Variants in BTBD9 observed in about 807,000 individuals in gnomAD.
The protein encoded by BTBD9 is BTB/POZ domain-containing protein 9.
In BTBD9, 49 loss-of-function variants were observed where a neutral mutation model predicts 64.3. That is an observed-to-expected ratio of 0.76 (90% CI 0.61 to 0.97). The LOEUF (loss-of-function observed/expected upper bound fraction) is 0.97. Among genes scored for constraint, BTBD9 ranks in the 50% least tolerant of loss-of-function variants. The pLI is 0.00. For missense variants in BTBD9, 598 were observed against 762.1 expected (o/e 0.78, Z 2.53); for synonymous variants, 260 against 274.7 (o/e 0.95, Z 0.53).
chr6:38,633,962 A>G (rs557165592), intron 1 of BTBD9, among the ~76,000 whole-genome samples: 2 of 152,320 alleles, frequency 1.3e-5, no homozygotes, highest in Admixed American at 6.5e-5. Context: ...CAATATGCAT[A>G]CATGTGTGCA....
intron 6 of BTBD9, among the ~76,000 whole-genome samples, chr6:38,547,013 T>C (rs1774582552): frequency 6.6e-6 from 1 of 152,176 alleles, no homozygotes. Flanking sequence ...ATTGTAATTG[T>C]ATCTGGGGCG....
intron 6 of BTBD9, among the ~76,000 whole-genome samples, chr6:38,349,126 G>T (rs1764401722): frequency 6.6e-6 from 1 of 152,100 alleles, no homozygotes; most frequent in Non-Finnish European, 1.5e-5. Context: ...GGGCTGAAAC[G>T]ATTCACCTGC....
At chr6:38,546,403 G>A (rs1774556433) in intron 6 of BTBD9, among the ~76,000 whole-genome samples, 1 of 152,082 alleles carries the variant, frequency 6.6e-6, no homozygotes, top group Non-Finnish European at 1.5e-5. Flanking sequence ...CCTGTGATTT[G>A]TACTAAAATG....
chr6:38,209,347 A>T (rs112628356), intron 9 of BTBD9, among the ~76,000 whole-genome samples: 68 of 152,342 alleles, frequency 4.5e-4, no homozygotes, highest in African/African-American at 1.3e-3. Context: ...ACCAGAACTG[A>T]CATAAAAATC....
intron 9 of BTBD9, among the ~76,000 whole-genome samples, chr6:38,247,401 C>T (rs556384562): frequency 1.3e-5 from 2 of 152,324 alleles, no homozygotes; most frequent in Admixed American, 1.3e-4. Flanking sequence ...AGCAAGGGGA[C>T]AGACAATGCT....
intron 8 of BTBD9, among the ~76,000 whole-genome samples, chr6:38,263,961 G>A (rs533467086): frequency 6.6e-6 from 1 of 152,318 alleles, no homozygotes; most frequent in South Asian, 2.1e-4. Context: ...CAATGATACC[G>A]TGATGGCTAC....
intron 7 of BTBD9, among the ~76,000 whole-genome samples, chr6:38,327,753 A>C (rs929986458): frequency 1.3e-5 from 2 of 152,206 alleles, no homozygotes; most frequent in African/African-American, 4.8e-5. Flanking sequence ...TCGTTGTCAC[A>C]GATTAGTTTG....
At chr6:38,600,213 G>A (rs1444965505) in intron 1 of BTBD9, among the ~76,000 whole-genome samples, 1 of 152,162 alleles carries the variant, frequency 6.6e-6, no homozygotes. Flanking sequence ...TACAATCTAC[G>A]TCAAATGATT....
intron 7 of BTBD9, among the ~76,000 whole-genome samples, chr6:38,290,342 C>T (rs1582173005): frequency 6.6e-6 from 1 of 150,974 alleles, no homozygotes; most frequent in Admixed American, 6.6e-5. Context: ...CAGAAGTGGA[C>T]TATATTTAGA....
At chr6:38,528,580 A>T (rs1773626219) in intron 6 of BTBD9, among the ~76,000 whole-genome samples, 1 of 152,226 alleles carries the variant, frequency 6.6e-6, no homozygotes, top group Non-Finnish European at 1.5e-5. Context: ...CATGGATAAC[A>T]GCTCAGTCAT....
chr6:38,384,598 T>A (rs1766074261), intron 6 of BTBD9, among the ~76,000 whole-genome samples: 1 of 152,216 alleles, frequency 6.6e-6, no homozygotes, highest in Non-Finnish European at 1.5e-5. Context: ...TAGTATTTCC[T>A]AAGAGTCACA....
intron 6 of BTBD9, among the ~76,000 whole-genome samples, chr6:38,576,749 T>A (rs1776054301): frequency 6.6e-6 from 1 of 152,140 alleles, no homozygotes; most frequent in Non-Finnish European, 1.5e-5. Flanking sequence ...CTACCTTTAA[T>A]CTTTTGACTT....
intron 6 of BTBD9, among the ~76,000 whole-genome samples, chr6:38,480,144 G>A (rs1363953735): frequency 1.3e-5 from 2 of 152,170 alleles, no homozygotes; most frequent in African/African-American, 2.4e-5. Flanking sequence ...GGAATTGAGG[G>A]GAGAGTGTAC....
chr6:38,455,896 C>CT (rs1323995439), intron 6 of BTBD9, among the ~76,000 whole-genome samples: 3 of 152,066 alleles, frequency 2.0e-5, no homozygotes, highest in Non-Finnish European at 2.9e-5. Flanking sequence ...AGGCTGGTCT[C>CT]TAACTCCTGA....
chr6:38,226,233 G>C (rs1156491947), intron 9 of BTBD9, among the ~76,000 whole-genome samples: 3 of 152,194 alleles, frequency 2.0e-5, no homozygotes, highest in Non-Finnish European at 4.4e-5. Flanking sequence ...CTCTTTTGTG[G>C]AGAACTGATA....
At chr6:38,303,021 T>C (rs1037116183) in intron 7 of BTBD9, among the ~76,000 whole-genome samples, 2 of 152,196 alleles carry the variant, frequency 1.3e-5, no homozygotes, top group Non-Finnish European at 2.9e-5. Flanking sequence ...GTTTACTTCC[T>C]TACATATTCT....
At chr6:38,634,983 T>C (rs562220758) in intron 1 of BTBD9, among the ~76,000 whole-genome samples, 67 of 152,296 alleles carry the variant, frequency 4.4e-4, no homozygotes, top group African/African-American at 1.6e-3. Context: ...GCTGGTTCCT[T>C]TTCTTTCATC....
chr6:38,468,779 T>C (rs1222181362), intron 6 of BTBD9, among the ~76,000 whole-genome samples: 1 of 152,144 alleles, frequency 6.6e-6, no homozygotes, highest in Non-Finnish European at 1.5e-5. Flanking sequence ...TGAATGAATA[T>C]CACAACCTTA....
In BTBD9 at chr6:38,179,613, G is replaced by A. The variant is rs754938434; in HGVS notation, c.1642-4431C>T. Reference sequence around the variant, plus strand: ...CCTCAGGACCTCTCAGGCAGTTGGGGGCAGAGGCACCTCTGTGCAGGGGCC... The same window carrying A: ...CCTCAGGACCTCTCAGGCAGTTGGGAGCAGAGGCACCTCTGTGCAGGGGCC... On this transcript the variant is annotated intron_variant, in intron 10 of 10. Transcript: ENST00000481247. The A allele has an allele frequency of 1.5e-5, 7 of 456,662 alleles. 1 individual carries two copies. Among genetic ancestry groups the A allele is most frequent in the South Asian group, 9.3e-5 (6 of 64,578 alleles). The allele number at this position is 456,662 out of a possible 1,614,324, so 28.3% of individuals were successfully genotyped here. A position where few individuals can be genotyped will look rare whatever the true frequency, so the allele number is the denominator to read the frequency against.
Sources: allele counts gnomAD v4.1 joint callset (sites outside exome capture counted in the v4.1 genomes callset), GRCh38; gene constraint gnomAD v4.1.1; transcripts MANE v1.5; gene names NCBI Gene and HGNC (gene_info 2026-07-23, HGNC 2026-07-21).